The following NUF2 variants were observed in gnomAD, a reference collection of about 807,000 sequenced individuals.
NUF2 encodes NUF2 component of NDC80 kinetochore complex, also known as kinetochore protein Nuf2.
In NUF2, 34 loss-of-function variants were observed where a neutral mutation model predicts 61.8. That is an observed-to-expected ratio of 0.55 (90% CI 0.42 to 0.73). NUF2 has a LOEUF of 0.73. Among genes scored for constraint, NUF2 ranks in the 30% least tolerant of loss-of-function variants. The pLI is 0.00. For synonymous variants in NUF2, 172 were observed against 181.6 expected (o/e 0.95, Z 0.42); for missense variants, 445 against 539.1 (o/e 0.83, Z 1.73).
At chr1:163,346,343 T>G (rs1458248502) in intron 11 of NUF2, 1 of 152,178 alleles carries the variant, frequency 6.6e-6, no homozygotes, top group East Asian at 1.9e-4. Flanking sequence ...TCAATAAGTT[T>G]AGTACAATGA....
chr1:163,348,549 T>C (rs1217756808), intron 12 of NUF2, among the ~76,000 whole-genome samples: 1 of 152,150 alleles, frequency 6.6e-6, no homozygotes, highest in African/African-American at 2.4e-5. Context: ...AGGGCAGAAC[T>C]TAAGGATTTT....
intron 13 of NUF2, among the ~76,000 whole-genome samples, 165 bp downstream of exon 13, chr1:163,349,245 CA>C (rs1651232254): frequency 6.6e-6 from 1 of 152,082 alleles, no homozygotes. Context: ...TGTAAAGCTT[CA>C]TAAATAGTCC....
chr1:163,337,676 G>C (rs991543858), intron 6 of NUF2, among the ~76,000 whole-genome samples: 1 of 152,114 alleles, frequency 6.6e-6, no homozygotes, highest in African/African-American at 2.4e-5. Context: ...CATTACCCAA[G>C]TTGGGTTAGA....
At chr1:163,352,810 G>A (rs549373690) in intron 13 of NUF2, among the ~76,000 whole-genome samples, 6 of 151,960 alleles carry the variant, frequency 3.9e-5, no homozygotes, top group East Asian at 3.9e-4. Flanking sequence ...AGCTTGCAGC[G>A]AGCTGAGATT....
chr1:163,355,544 G>T lies in NUF2; in HGVS notation c.*75G>T. The T allele has an allele frequency of 1.5e-6, 2 of 1,342,682 alleles. No homozygotes were observed. The highest frequency in any genetic ancestry group is 2.0e-6 in the Non-Finnish European group (2 of 977,672). 83.2% of individuals were successfully genotyped at this position (1,342,682 alleles called of 1,614,324 possible). A position where few individuals can be genotyped will look rare whatever the true frequency, so the allele number is the denominator to read the frequency against. On this transcript the variant is annotated 3_prime_UTR_variant, in exon 14 of 14. Coordinates refer to ENST00000271452, the MANE Select transcript of NUF2 (RefSeq NM_145697.3). The stretch of plus-strand genomic sequence containing the variant: ...TCTATTTAGAAAGAAAAGTTGAAGC[G>T]AATGGAAGTATCAGAAGTACCAAAT...
chr1:163,328,978 T>TGA, intron 5 of NUF2, 71 bp downstream of exon 5: 1 of 474,432 alleles, frequency 2.1e-6, no homozygotes, highest in Admixed American at 4.2e-5. Flanking sequence ...TCAGTAAATG[T>TGA]AAAAAAAAAA....
At chr1:163,347,168 C>G (rs1651162056) in intron 11 of NUF2, among the ~76,000 whole-genome samples, 1 of 152,212 alleles carries the variant, frequency 6.6e-6, no homozygotes. Context: ...ATTACATAGT[C>G]TGCCCTGAAG....
chr1:163,344,042 A>C (rs188783294), intron 10 of NUF2, among the ~76,000 whole-genome samples, 172 bp downstream of exon 10: 499 of 152,272 alleles, frequency 3.3e-3, no homozygotes, highest in African/African-American at 0.011. Context: ...AATATGGGGA[A>C]AATAAATATA....
chr1:163,342,494 A>C (rs563061931), intron 9 of NUF2, among the ~76,000 whole-genome samples: 1 of 152,334 alleles, frequency 6.6e-6, no homozygotes, highest in East Asian at 1.9e-4. Context: ...CAAAATATAC[A>C]GAAATTACAG....
At chr1:163,353,400 A>G (rs1651388536) in intron 13 of NUF2, among the ~76,000 whole-genome samples, 1 of 152,242 alleles carries the variant, frequency 6.6e-6, no homozygotes, top group African/African-American at 2.4e-5. Flanking sequence ...TTTCTGCTGT[A>G]ATGAGAATGT....
intron 12 of NUF2, among the ~76,000 whole-genome samples, 181 bp from the exon 13 acceptor site, chr1:163,348,764 G>A (rs924873432): frequency 6.6e-6 from 1 of 152,118 alleles, no homozygotes; most frequent in African/African-American, 2.4e-5. Context: ...TTCACACTAT[G>A]TTGTGATGTG....
intron 1 of NUF2, among the ~76,000 whole-genome samples, chr1:163,324,509 A>G (rs1382786852): frequency 1.0e-5 from 1 of 97,416 alleles, no homozygotes; most frequent in African/African-American, 3.3e-5. Context: ...TAACCCTAAA[A>G]TTCTAAAAAA....
At chr1:163,337,274 G>C (rs760989363) in intron 6 of NUF2, among the ~76,000 whole-genome samples, 3 of 151,982 alleles carry the variant, frequency 2.0e-5, no homozygotes, top group Non-Finnish European at 2.9e-5. Flanking sequence ...TATCATGCTT[G>C]CCCAGATTCA....
intron 12 of NUF2, among the ~76,000 whole-genome samples, chr1:163,348,289 T>C (rs1651202224): frequency 6.6e-6 from 1 of 152,200 alleles, no homozygotes; most frequent in African/African-American, 2.4e-5. Context: ...AGCTTGTCTG[T>C]AGAGTTACAG....
chr1:163,337,978 T>A (rs749542602), intron 6 of NUF2, 42 bp from the exon 7 acceptor site: 1 of 1,441,174 alleles, frequency 6.9e-7, no homozygotes, highest in South Asian at 1.1e-5. Context: ...ACTGATTGTG[T>A]TGAAATGCAC....
rs201463150 is a variant in NUF2, at chr1:163,336,817, G to A, written c.404G>A (p.Arg135His). Residue 135 changes from arginine (R) to histidine (H), a missense_variant, in exon 6 of 14, where the codon CGT becomes CAT. Physicochemically the swap from Arg to His is conservative, Grantham distance 29. Coordinates refer to ENST00000271452, the MANE Select transcript of NUF2 (RefSeq NM_145697.3). ...TTTATTCACTTCAGAGAAGCATGCC[G>A]TGAAACGTATATGGAATTTCTTTGG... ...INFIHFREAC[R>H]ETYMEFLWQY... 19 of 1,612,100 alleles carry A rather than the reference G, an allele frequency of 1.2e-5. No homozygotes were observed. The East Asian group carries it at 2.7e-4, about 23-fold the overall frequency.
intron 13 of NUF2, 95 bp from the exon 14 acceptor site, chr1:163,355,240 T>C: frequency 3.2e-6 from 3 of 936,036 alleles, no homozygotes; most frequent in Non-Finnish European, 3.1e-6. Flanking sequence ...CTTTAAAATA[T>C]TAATAAATAT....
At chr1:163,333,629 T>C (rs1650667873) in intron 5 of NUF2, among the ~76,000 whole-genome samples, 1 of 152,146 alleles carries the variant, frequency 6.6e-6, no homozygotes, top group East Asian at 1.9e-4. Context: ...AGTTTCAGTA[T>C]ACATGTATAT....
At chr1:163,324,175 A>G (rs1043676707) in intron 1 of NUF2, among the ~76,000 whole-genome samples, 3 of 152,250 alleles carry the variant, frequency 2.0e-5, no homozygotes, top group Non-Finnish European at 4.4e-5. Context: ...TACTTACTTT[A>G]AAGAAGGGAG....
Sources: allele counts gnomAD v4.1 joint callset (sites outside exome capture counted in the v4.1 genomes callset), GRCh38; gene constraint gnomAD v4.1.1; transcripts MANE v1.5; gene names NCBI Gene and HGNC (gene_info 2026-07-23, HGNC 2026-07-21).